ZNF407: variants seen among roughly 807,000 people sequenced by gnomAD.
ZNF407 encodes zinc finger protein 407.
In ZNF407, 17 loss-of-function variants were observed where a neutral mutation model predicts 131.2. That is an observed-to-expected ratio of 0.13 (90% CI 0.09 to 0.19). The LOEUF is 0.19. ZNF407 is among the 10% of genes least tolerant of loss of function. The pLI, the probability that ZNF407 is intolerant of heterozygous loss-of-function variation, is 1.00. For missense variants in ZNF407, 2,681 were observed against 2,830.6 expected, an observed-to-expected ratio of 0.95 and a Z score of 1.20; for synonymous variants, 1,156 against 1,062.0, an observed-to-expected ratio of 1.09 and a Z score of -1.72.
chr18:74,920,831 A>G (rs1484424715), intron 8 of ZNF407, 139 bp downstream of exon 8: 2 of 1,308,538 alleles, frequency 1.5e-6, no homozygotes, highest in Non-Finnish European at 2.0e-6. Context: ...GACCTATAGA[A>G]AAGTACATTC....
intron 4 of ZNF407, among the ~76,000 whole-genome samples, chr18:74,849,626 G>A (rs966561800): frequency 1.7e-4 from 26 of 152,080 alleles, no homozygotes; most frequent in African/African-American, 6.3e-4. Flanking sequence ...CTGCACCTCC[G>A]TGCTCTTCAG....
At chr18:74,958,058 C>A (rs1378698999) in intron 8 of ZNF407, among the ~76,000 whole-genome samples, 3 of 152,186 alleles carry the variant, frequency 2.0e-5, no homozygotes, top group African/African-American at 7.2e-5. Context: ...TTTGGAGAAC[C>A]ATAACCCACG....
chr18:74,987,195 G>A (rs1972662963), intron 8 of ZNF407, among the ~76,000 whole-genome samples: 2 of 151,830 alleles, frequency 1.3e-5, no homozygotes, highest in African/African-American at 2.4e-5. Flanking sequence ...CTGCTTAGAG[G>A]CGTGTCGTTG....
At chr18:74,758,838 C>T (rs1041912400) in intron 3 of ZNF407, among the ~76,000 whole-genome samples, 5 of 152,048 alleles carry the variant, frequency 3.3e-5, no homozygotes, top group African/African-American at 1.2e-4. Context: ...CCTTGACTTC[C>T]CAGAGTTCTG....
At chr18:74,788,489 C>T (rs1969763503) in intron 4 of ZNF407, among the ~76,000 whole-genome samples, 1 of 151,834 alleles carries the variant, frequency 6.6e-6, no homozygotes, top group East Asian at 1.9e-4. Flanking sequence ...GTTTGCTGAA[C>T]AGACCCAGTT....
intron 8 of ZNF407, among the ~76,000 whole-genome samples, chr18:74,992,866 A>G (rs1289645954): frequency 1.3e-5 from 2 of 152,252 alleles, no homozygotes; most frequent in African/African-American, 4.8e-5. Flanking sequence ...CAAAAAGCAC[A>G]TGAAATGATG....
At chr18:74,723,088 T>A (rs1968077110) in intron 3 of ZNF407, among the ~76,000 whole-genome samples, 1 of 152,218 alleles carries the variant, frequency 6.6e-6, no homozygotes, top group Admixed American at 6.5e-5. Flanking sequence ...TTTGTCATAT[T>A]CATTTAAGTA....
intron 8 of ZNF407, among the ~76,000 whole-genome samples, chr18:75,056,484 C>G (rs908386682): frequency 7.2e-5 from 11 of 152,188 alleles, no homozygotes; most frequent in African/African-American, 1.7e-4. Flanking sequence ...TTTCTTTGAT[C>G]CTAGCGAAGT....
At chr18:74,751,480 G>A (rs555178246) in intron 3 of ZNF407, among the ~76,000 whole-genome samples, 8 of 152,014 alleles carry the variant, frequency 5.3e-5, no homozygotes, top group South Asian at 4.2e-4. Context: ...CCATTAACTC[G>A]TCATTTACAT....
At chr18:74,740,598 A>G (rs1968527018) in intron 3 of ZNF407, among the ~76,000 whole-genome samples, 1 of 152,186 alleles carries the variant, frequency 6.6e-6, no homozygotes, top group South Asian at 2.1e-4. Flanking sequence ...TGATTGGATC[A>G]GGGAAACTTT....
At chr18:74,744,403 A>G (rs1000404846) in intron 3 of ZNF407, among the ~76,000 whole-genome samples, 1 of 152,082 alleles carries the variant, frequency 6.6e-6, no homozygotes, top group African/African-American at 2.4e-5. Flanking sequence ...TTGGATGGTT[A>G]TCCACTTCTG....
intron 3 of ZNF407, among the ~76,000 whole-genome samples, chr18:74,660,446 G>A (rs967359748): frequency 6.6e-6 from 1 of 152,008 alleles, no homozygotes; most frequent in African/African-American, 2.4e-5. Flanking sequence ...TTTGCCTCAC[G>A]TCCTGTCATG....
chr18:74,656,125 G>A (rs1985445442), intron 3 of ZNF407, among the ~76,000 whole-genome samples: 1 of 152,008 alleles, frequency 6.6e-6, no homozygotes, highest in East Asian at 1.9e-4. Context: ...TAGGAAATGG[G>A]CCACAATTGT....
At chr18:74,950,664 T>A (rs1972203454) in intron 8 of ZNF407, among the ~76,000 whole-genome samples, 1 of 152,250 alleles carries the variant, frequency 6.6e-6, no homozygotes, top group Non-Finnish European at 1.5e-5. Context: ...TTGCCACTTC[T>A]GTAAATGAAA....
At position 74,767,154 on chromosome 18, in the gene ZNF407, C is replaced by T. The variant is rs150918747; in HGVS notation, c.4803-14274C>T. ...CTCGATCTCCTGACCTCAGGTGATCCACCTGCGTCGGCCTCCCAAAGTGCT... is the reference window on the plus strand; with the variant it reads ...CTCGATCTCCTGACCTCAGGTGATCTACCTGCGTCGGCCTCCCAAAGTGCT... On this transcript the variant is annotated intron_variant, in intron 3 of 8. Transcript: ENST00000299687. Among the ~76,000 whole-genome samples, 1,334 of 152,272 alleles carry T rather than the reference C, an allele frequency of 8.8e-3. 20 individuals carry two copies. Among genetic ancestry groups the T allele is most frequent in the African/African-American group, 0.029 (1,223 of 41,556 alleles).
chr18:74,659,507 G>C (rs1985620757), intron 3 of ZNF407, among the ~76,000 whole-genome samples: 1 of 152,050 alleles, frequency 6.6e-6, no homozygotes. Flanking sequence ...ATAATTGAAT[G>C]GTAGAATCAT....
intron 7 of ZNF407, among the ~76,000 whole-genome samples, chr18:74,900,024 C>T (rs1240951224): frequency 6.6e-6 from 1 of 152,170 alleles, no homozygotes; most frequent in Non-Finnish European, 1.5e-5. Context: ...TGTTGGCATT[C>T]ATTTGTTTGC....
chr18:74,934,535 A>T (rs548463469), intron 8 of ZNF407, among the ~76,000 whole-genome samples: 2 of 152,332 alleles, frequency 1.3e-5, no homozygotes, highest in Non-Finnish European at 2.9e-5. Flanking sequence ...TTAGCTGGGC[A>T]TGGTGGCTCA....
intron 7 of ZNF407, among the ~76,000 whole-genome samples, chr18:74,913,408 A>C (rs1212891343): frequency 6.6e-6 from 1 of 152,196 alleles, no homozygotes; most frequent in Admixed American, 6.5e-5. Context: ...GGGAGTAGAG[A>C]CATGTAGGGG....
Sources: allele counts gnomAD v4.1 joint callset (sites outside exome capture counted in the v4.1 genomes callset), GRCh38; gene constraint gnomAD v4.1.1; transcripts MANE v1.5; gene names NCBI Gene and HGNC (gene_info 2026-07-23, HGNC 2026-07-21).